ITGB3BP: variants seen among roughly 807,000 people sequenced by gnomAD.
ITGB3BP encodes centromere protein R.
Under a neutral mutation model 29.1 loss-of-function variants are expected in ITGB3BP, and 27 were observed. The ratio of observed to expected loss-of-function variants is 0.93; its 90% CI spans 0.68 to 1.28. The LOEUF (loss-of-function observed/expected upper bound fraction) is 1.28. Ranked by LOEUF, ITGB3BP falls within the 50% of genes most tolerant of loss-of-function variation. The pLI is 0.00. For missense variants in ITGB3BP, 192 were observed against 200.2 expected (o/e 0.96, Z 0.25); for synonymous variants, 61 against 61.4 (o/e 0.99, Z 0.03).
rs1377324482 is a variant in ITGB3BP at position 63,451,424 on chromosome 1, A to C, written c.484+2494T>G. On this transcript the variant is annotated intron_variant, in intron 7 of 8. Coordinates refer to ENST00000271002, the MANE Select transcript of ITGB3BP (RefSeq NM_014288.5). ...TCTGTGTAATAGCATAATAAAAATA[A>C]ATAAATAAAAGAAAGTGGAAATTTC... is the stretch of plus-strand genomic sequence containing the variant. Among the ~76,000 whole-genome samples, 4 of 152,128 alleles carry C rather than the reference A, an allele frequency of 2.6e-5. No individual in the cohort carries two copies. In the East Asian group the frequency reaches 7.7e-4, roughly 29 times the overall value.
chr1:63,472,055 C>CTTT (rs367831323), intron 4 of ITGB3BP, among the ~76,000 whole-genome samples: 4 of 146,862 alleles, frequency 2.7e-5, no homozygotes, highest in Non-Finnish European at 3.0e-5. Flanking sequence ...AAGTGAATAA[C>CTTT]CTTTTTTTTT....
chr1:63,471,760 ACTT>A (rs1376155402), intron 4 of ITGB3BP, among the ~76,000 whole-genome samples: 41 of 152,028 alleles, frequency 2.7e-4, no homozygotes, highest in African/African-American at 9.6e-4. Flanking sequence ...CCTTAATTCT[ACTT>A]CTTAGATTGT....
intron 4 of ITGB3BP, among the ~76,000 whole-genome samples, chr1:63,476,085 T>C (rs569474323): frequency 6.6e-6 from 1 of 151,644 alleles, no homozygotes; most frequent in South Asian, 2.1e-4. Flanking sequence ...GTGCAGCAGC[T>C]ATTTACAGGA....
intron 2 of ITGB3BP, among the ~76,000 whole-genome samples, chr1:63,505,972 G>C (rs1646068453): frequency 6.6e-6 from 1 of 152,212 alleles, no homozygotes; most frequent in Non-Finnish European, 1.5e-5. Context: ...GTGTGGTGCT[G>C]AGAAGAATGT....
intron 7 of ITGB3BP, among the ~76,000 whole-genome samples, chr1:63,449,023 C>T (rs1334398019): frequency 2.0e-5 from 3 of 152,090 alleles, no homozygotes; most frequent in Non-Finnish European, 4.4e-5. Flanking sequence ...CTGTAGTAAG[C>T]AGAACTGTTT....
chr1:63,496,828 T>C (rs921207020), intron 2 of ITGB3BP, among the ~76,000 whole-genome samples: 4 of 152,224 alleles, frequency 2.6e-5, no homozygotes, highest in African/African-American at 7.2e-5. Context: ...AGATTGGACA[T>C]GAGTATGAAT....
chr1:63,526,854 TC>T (rs935411547), upstream of ITGB3BP, among the ~76,000 whole-genome samples: 3 of 152,184 alleles, frequency 2.0e-5, no homozygotes, highest in Admixed American at 6.5e-5. Flanking sequence ...AGCCTCTGCC[TC>T]CTGGGTTCCA....
intron 4 of ITGB3BP, among the ~76,000 whole-genome samples, chr1:63,472,038 C>A (rs368683972): frequency 2.0e-5 from 3 of 148,492 alleles, no homozygotes; most frequent in Admixed American, 7.0e-5. Context: ...CCCGCCTCAG[C>A]CTCCCAAAGT....
chr1:63,469,639 T>A (rs142361037), intron 4 of ITGB3BP, among the ~76,000 whole-genome samples: 3 of 152,382 alleles, frequency 2.0e-5, no homozygotes, highest in Non-Finnish European at 2.9e-5. Flanking sequence ...AATTATGTTT[T>A]AACCCCATGA....
chr1:63,473,559 G>A (rs1165543571), intron 4 of ITGB3BP, among the ~76,000 whole-genome samples: 3 of 124,428 alleles, frequency 2.4e-5, no homozygotes, highest in African/African-American at 9.0e-5. Context: ...TGCCCCATCT[G>A]GGAGGGGGGA....
In ITGB3BP at chr1:63,522,977, G is replaced by A. The variant is rs762178734; in HGVS notation, c.5+152C>T. On this transcript the variant is annotated intron_variant, in intron 1 of 8. Transcript: ENST00000271002. ...ACCGCTGGAGGAGACGTAGAGTTGA[G>A]GGTACCAAGCGAAGGGAATTGCCTG... 5 of 868,390 alleles carry A rather than the reference G, an allele frequency of 5.8e-6. No individual in the cohort carries two copies. The East Asian group carries it at 7.3e-5, about 13-fold the overall frequency. 53.8% of individuals were successfully genotyped at this position (868,390 alleles called of 1,614,324 possible). A position where few individuals can be genotyped will look rare whatever the true frequency, so the allele number is the denominator to read the frequency against.
chr1:63,518,221 G>A (rs1433879134), intron 1 of ITGB3BP, among the ~76,000 whole-genome samples: 1 of 152,162 alleles, frequency 6.6e-6, no homozygotes, highest in Non-Finnish European at 1.5e-5. Context: ...TCTCACGAAT[G>A]GGTATGTTCT....
chr1:63,487,400 A>G (rs1645551731), intron 3 of ITGB3BP, among the ~76,000 whole-genome samples: 1 of 152,132 alleles, frequency 6.6e-6, no homozygotes, highest in African/African-American at 2.4e-5. Context: ...TAAAAAATAC[A>G]TAAATGATAC....
chr1:63,507,192 G>A (rs1446930027), intron 2 of ITGB3BP, among the ~76,000 whole-genome samples: 8 of 152,218 alleles, frequency 5.3e-5, no homozygotes, highest in Admixed American at 2.6e-4. Context: ...TCGGGCAGAT[G>A]TGGTCATGTA....
intron 2 of ITGB3BP, among the ~76,000 whole-genome samples, chr1:63,492,799 AAAAG>A (rs149986487): frequency 0.012 from 1,859 of 152,102 alleles, 40 homozygotes; most frequent in African/African-American, 0.041. Context: ...ACAAAAAACA[AAAAG>A]AAAGAAAGAA....
intron 4 of ITGB3BP, among the ~76,000 whole-genome samples, chr1:63,473,521 T>TG (rs1215162473): frequency 3.0e-5 from 3 of 101,228 alleles, no homozygotes; most frequent in Non-Finnish European, 4.1e-5. Context: ...GGGAGGGAGG[T>TG]GGGGGGTCAG....
chr1:63,468,735 C>T (rs891546031), intron 4 of ITGB3BP, among the ~76,000 whole-genome samples: 1 of 152,102 alleles, frequency 6.6e-6, no homozygotes, highest in Non-Finnish European at 1.5e-5. Flanking sequence ...GTTGCGCATG[C>T]CTGTAATCCC....
At chr1:63,446,765 A>C in intron 8 of ITGB3BP, 41 bp downstream of exon 8, 1 of 1,399,066 alleles carries the variant, frequency 7.1e-7, no homozygotes, top group East Asian at 2.3e-5. Flanking sequence ...ACACAGTGAA[A>C]TTTCACAAGG....
At chr1:63,494,327 C>T (rs1021539707) in intron 2 of ITGB3BP, among the ~76,000 whole-genome samples, 4 of 152,180 alleles carry the variant, frequency 2.6e-5, no homozygotes, top group African/African-American at 9.7e-5. Context: ...CTATGTTCAC[C>T]AGGTTGGTCT....
Sources: allele counts gnomAD v4.1 joint callset (sites outside exome capture counted in the v4.1 genomes callset), GRCh38; gene constraint gnomAD v4.1.1; transcripts MANE v1.5; gene names NCBI Gene and HGNC (gene_info 2026-07-23, HGNC 2026-07-21).